Variants in GRAMD1B observed in about 807,000 individuals in gnomAD.
GRAMD1B encodes protein Aster-B.
GRAMD1B carries 37 observed loss-of-function variants against 99.7 expected under a neutral mutation model. The observed-to-expected ratio is 0.37, with a 90% CI of 0.29 to 0.49. GRAMD1B has a LOEUF of 0.49. GRAMD1B is among the 20% of genes least tolerant of loss of function. GRAMD1B has a pLI of 0.98. For missense variants in GRAMD1B, 888 were observed against 1,009.2 expected, an observed-to-expected ratio of 0.88 and a Z score of 1.63; for synonymous variants, 427 against 387.6, an observed-to-expected ratio of 1.10 and a Z score of -1.19.
At chr11:123,526,359 A>G (rs1942745185) in intron 2 of GRAMD1B, among the ~76,000 whole-genome samples, 1 of 152,128 alleles carries the variant, frequency 6.6e-6, no homozygotes, top group Non-Finnish European at 1.5e-5. Flanking sequence ...GCACTGCTGC[A>G]CTATTTTCCT....
intron 1 of GRAMD1B, among the ~76,000 whole-genome samples, chr11:123,387,258 C>T (rs1947096167): frequency 6.6e-6 from 1 of 152,076 alleles, no homozygotes; most frequent in South Asian, 2.1e-4. Context: ...GAAGTATCCC[C>T]AGGAAGATTT....
chr11:123,389,338 C>T (rs1360767867), intron 1 of GRAMD1B, among the ~76,000 whole-genome samples: 2 of 150,636 alleles, frequency 1.3e-5, no homozygotes, highest in Non-Finnish European at 2.9e-5. Context: ...GAGCCGTGAT[C>T]GAGCCACTGC....
intron 1 of GRAMD1B, among the ~76,000 whole-genome samples, chr11:123,375,658 CACACTGGGCCTTGA>C (rs1274930665): frequency 1.3e-5 from 2 of 152,128 alleles, no homozygotes; most frequent in Admixed American, 1.3e-4. Flanking sequence ...AGGTGAGAGT[CACACTGGGCCTTGA>C]ACACTGGGCA....
At chr11:123,559,630 A>C in intron 2 of GRAMD1B, 2 of 982,758 alleles carry the variant, frequency 2.0e-6, no homozygotes, top group Non-Finnish European at 2.4e-6. Flanking sequence ...AGAAAAAAAA[A>C]ACACTTCTAA....
chr11:123,513,597 C>CTTTCTTTCTTT (rs1941322558), intron 2 of GRAMD1B, among the ~76,000 whole-genome samples: 29 of 45,094 alleles, frequency 6.4e-4, no homozygotes, highest in African/African-American at 1.7e-3. Flanking sequence ...TTCCTTCCTT[C>CTTTCTTTCTTT]CTTCCTTCCT....
rs1284968875 is a variant in GRAMD1B at position 123,623,264 on chromosome 11, T to C, written c.*669T>C. Reference sequence around the variant, plus strand: ...TACTCTCCTCCATCACCCCTGCACCTTCCTCCGACCTGTGTAGGGTGTGGA... The same window carrying C: ...TACTCTCCTCCATCACCCCTGCACCCTCCTCCGACCTGTGTAGGGTGTGGA... On this transcript the variant is annotated 3_prime_UTR_variant, in exon 20 of 20. Transcript: ENST00000635736. 6.6e-6 allele frequency: 1 copy of C among 152,120 alleles called. No homozygotes were observed. Among genetic ancestry groups the C allele is most frequent in the Admixed American group, 6.5e-5 (1 of 15,274 alleles). The allele number at this position is 152,120 out of a possible 1,614,324, so 9.4% of individuals were successfully genotyped here. A position where few individuals can be genotyped will look rare whatever the true frequency, so the allele number is the denominator to read the frequency against.
chr11:123,427,920 G>T (rs1948709786), upstream of GRAMD1B, among the ~76,000 whole-genome samples: 1 of 152,206 alleles, frequency 6.6e-6, no homozygotes, highest in Non-Finnish European at 1.5e-5. Context: ...TGGCTGAAGT[G>T]TGTGGGAAGA....
At chr11:123,366,177 T>C (rs540638318) in intron 1 of GRAMD1B, among the ~76,000 whole-genome samples, 9 of 152,330 alleles carry the variant, frequency 5.9e-5, no homozygotes, top group South Asian at 4.1e-4. Context: ...CTTCCTGCTA[T>C]TTGTCTGAGA....
chr11:123,549,386 C>T lies in GRAMD1B; in HGVS notation c.453-27981C>T, dbSNP rs572997291. On this transcript the variant is annotated intron_variant, in intron 2 of 19. Transcript: ENST00000635736. ...GGTGAAACCATCTCTACTAAAAATA[C>T]AAAAAATTAGCTGGCCATGGTGGCG... is the stretch of plus-strand genomic sequence containing the variant. Among the ~76,000 whole-genome samples, 31 of 152,126 alleles carry T rather than the reference C, an allele frequency of 2.0e-4. 1 individual carries two copies. In the South Asian group the frequency reaches 4.4e-3, roughly 21 times the overall value.
At chr11:123,573,377 T>A (rs915280746) in intron 2 of GRAMD1B, among the ~76,000 whole-genome samples, 1 of 152,210 alleles carries the variant, frequency 6.6e-6, no homozygotes, top group African/African-American at 2.4e-5. Flanking sequence ...GAAAGTTCAC[T>A]TTGACAGGAA....
At chr11:123,407,663 G>A (rs531213363) in intron 1 of GRAMD1B, among the ~76,000 whole-genome samples, 1 of 152,328 alleles carries the variant, frequency 6.6e-6, no homozygotes, top group Admixed American at 6.5e-5. Context: ...GACCTTTTCA[G>A]AGCATGAGGG....
At chr11:123,394,864 T>TCTGGAGGCGAGGAACCCTGTTCCTCA (rs1947404769) in intron 1 of GRAMD1B, among the ~76,000 whole-genome samples, 2 of 152,122 alleles carry the variant, frequency 1.3e-5, no homozygotes, top group Admixed American at 6.5e-5. Flanking sequence ...CATTGCCTTC[T>TCTGGAGGCGAGGAACCCTGTTCCTCA]CTGGAGGCGA....
chr11:123,535,837 G>T (rs1943916619), intron 2 of GRAMD1B, among the ~76,000 whole-genome samples: 1 of 152,042 alleles, frequency 6.6e-6, no homozygotes. Flanking sequence ...ATATGCAAAG[G>T]CTGGGAGGAC....
chr11:123,580,371 T>C (rs914550374), intron 3 of GRAMD1B, among the ~76,000 whole-genome samples: 2 of 152,172 alleles, frequency 1.3e-5, no homozygotes, highest in Non-Finnish European at 2.9e-5. Context: ...TAATCACATG[T>C]CTTCCCAGCA....
Position 123,624,992 on chromosome 11 carries a change from C to T in GRAMD1B, c.*2397C>T, listed in dbSNP as rs1955417749. On this transcript the variant is annotated 3_prime_UTR_variant, in exon 20 of 20. Coordinates refer to ENST00000635736, the MANE Select transcript of GRAMD1B (RefSeq NM_001387025.1). ...TTGAACCCACTAGACAATGTGTGCACATAGGGAATGTCCTTTAAGAATCAT... is the reference window on the plus strand; with the variant it reads ...TTGAACCCACTAGACAATGTGTGCATATAGGGAATGTCCTTTAAGAATCAT... 1 of 152,166 alleles carries T rather than the reference C, an allele frequency of 6.6e-6. No individual in the cohort carries two copies. Among genetic ancestry groups the T allele is most frequent in the Non-Finnish European group, 1.5e-5 (1 of 68,042 alleles). The allele number at this position is 152,166 out of a possible 1,614,324, so 9.4% of individuals were successfully genotyped here.
Position 123,376,943 on chromosome 11 carries a change from G to T in GRAMD1B, c.-176+18144G>T, listed in dbSNP as rs561665811. ...AACTAAAGTAACAGGTGTGAAATTA[G>T]TTCTGTGGTTCAGTTCTGCCAATCT... On this transcript the variant is annotated intron_variant, in intron 1 of 20. Coordinates refer to the GRAMD1B transcript ENST00000638157. Among the ~76,000 whole-genome samples the T allele has an allele frequency of 2.6e-5, 4 of 152,302 alleles. No homozygotes were observed. In the South Asian group the frequency reaches 8.3e-4, roughly 32 times the overall value.
intron 10 of GRAMD1B, among the ~76,000 whole-genome samples, chr11:123,605,762 C>G (rs1243676347): frequency 2.0e-5 from 3 of 152,162 alleles, no homozygotes; most frequent in Non-Finnish European, 4.4e-5. Context: ...GCTGATCAGC[C>G]CTTCTGGTAG....
chr11:123,360,629 A>T (rs1417424638), intron 1 of GRAMD1B, among the ~76,000 whole-genome samples: 1 of 152,206 alleles, frequency 6.6e-6, no homozygotes, highest in South Asian at 2.1e-4. Flanking sequence ...ATCAATACCT[A>T]GCCAAGCTGG....
chr11:123,431,204 C>T (rs908196803), intron 1 of GRAMD1B, 38 bp downstream of exon 1: 8 of 675,684 alleles, frequency 1.2e-5, no homozygotes, highest in African/African-American at 1.1e-4. Flanking sequence ...CCCTTCCCTC[C>T]CGTCCTCTCC....
Sources: gnomAD v4.1 joint callset for allele counts (sites outside exome capture counted in the v4.1 genomes callset) on GRCh38, gnomAD v4.1.1 for gene constraint, MANE v1.5 for transcripts, NCBI Gene and HGNC (gene_info 2026-07-23, HGNC 2026-07-21) for gene names.